The following HELZ variants were observed in gnomAD, a reference collection of about 807,000 sequenced individuals.
HELZ encodes ATP-dependent RNA helicase with zinc finger domain.
Under a neutral mutation model 218.2 loss-of-function variants are expected in HELZ, and 23 were observed. The ratio of observed to expected loss-of-function variants is 0.11; its 90% confidence interval spans 0.08 to 0.15. The LOEUF is 0.15. Ranked by LOEUF, HELZ falls within the 10% of genes least tolerant of loss-of-function variation. HELZ has a pLI of 1.00. For missense variants in HELZ, 1,813 were observed against 2,353.7 expected (o/e 0.77, Z 4.75); for synonymous variants, 814 against 829.4 (o/e 0.98, Z 0.32).
chr17:67,226,211 A>T, intron 3 of HELZ, among the ~76,000 whole-genome samples: 1 of 150,740 alleles, frequency 6.6e-6, no homozygotes, highest in East Asian at 1.9e-4. Flanking sequence ...GTGAGCCGAG[A>T]TCGCACCACT....
At chr17:67,121,283 T>C (rs1369237947) in intron 26 of HELZ, among the ~76,000 whole-genome samples, 2 of 152,238 alleles carry the variant, frequency 1.3e-5, no homozygotes, top group African/African-American at 2.4e-5. Flanking sequence ...TATTTTATTA[T>C]AACTGTTAAA....
intron 5 of HELZ, among the ~76,000 whole-genome samples, chr17:67,214,218 A>T (rs2040530939): frequency 6.6e-6 from 1 of 151,936 alleles, no homozygotes; most frequent in Non-Finnish European, 1.5e-5. Context: ...TGAGGTGAAC[A>T]AAGGTCACAG....
At chr17:67,234,875 G>A (rs8078002) in intron 3 of HELZ, among the ~76,000 whole-genome samples, 14,041 of 151,756 alleles carry the variant, frequency 0.093, 1,727 homozygotes, top group African/African-American at 0.28. Flanking sequence ...TTTGCTTCTC[G>A]GCTTCCTGGT....
intron 1 of HELZ, chr17:67,244,090 C>A: frequency 3.3e-6 from 2 of 599,798 alleles, no homozygotes; most frequent in Non-Finnish European, 4.2e-6. Context: ...TTTTTCAACA[C>A]AGACTGACCT....
chr17:67,228,867 C>T (rs1026281895), intron 3 of HELZ, among the ~76,000 whole-genome samples: 1 of 152,068 alleles, frequency 6.6e-6, no homozygotes, highest in Non-Finnish European at 1.5e-5. Context: ...TACAGGCATA[C>T]GCCACCACAC....
chr17:67,112,406 T>C (rs7218840), intron 28 of HELZ, among the ~76,000 whole-genome samples: 90,417 of 152,088 alleles, frequency 0.59, 28,084 homozygotes, highest in East Asian at 0.88. Flanking sequence ...CCTCTGACTA[T>C]ATGTGCTGCT....
At chr17:67,173,042 G>A in intron 13 of HELZ, 1 of 982,602 alleles carries the variant, frequency 1.0e-6, no homozygotes, top group Non-Finnish European at 1.2e-6. Flanking sequence ...GACATTGGTT[G>A]TGTCTTGCAA....
Position 67,108,788 on chromosome 17 carries a change from T to G in HELZ, c.4490-62A>C. 8.0e-7 allele frequency: 1 copy of G among 1,246,418 alleles called. No individual in the cohort carries two copies. Among genetic ancestry groups the G allele is most frequent in the Non-Finnish European group, 1.1e-6 (1 of 896,240 alleles). 77.2% of individuals were successfully genotyped at this position (1,246,418 alleles called of 1,614,324 possible). ...GGGGTTTCAAGTTCATTATTTAAAG[T>G]TTTTTACTAACATATTTTCTCCACA... On this transcript the variant is annotated intron_variant, in intron 29 of 32. Coordinates refer to ENST00000358691, the MANE Select transcript of HELZ (RefSeq NM_014877.4). The surrounding 1 kb of genome is among the most constrained non-coding windows in gnomAD (Gnocchi z 4.1).
chr17:67,090,760 C>T (rs2036552110), intron 31 of HELZ, among the ~76,000 whole-genome samples: 2 of 152,156 alleles, frequency 1.3e-5, no homozygotes, highest in South Asian at 2.1e-4. Context: ...AGTTTGTATC[C>T]TCTTTTTGTC....
At chr17:67,080,647 G>A (rs2036160471) in intron 32 of HELZ, among the ~76,000 whole-genome samples, 1 of 152,166 alleles carries the variant, frequency 6.6e-6, no homozygotes, top group South Asian at 2.1e-4. Flanking sequence ...TATACAGTTG[G>A]TTAGAGCAGC....
chr17:67,196,597 G>A (rs889926353), intron 7 of HELZ, among the ~76,000 whole-genome samples: 1 of 146,320 alleles, frequency 6.8e-6, no homozygotes. Flanking sequence ...TGGATGGATG[G>A]ATGGATGGGT....
chr17:67,114,448 A>C (rs758827241), intron 27 of HELZ, 45 bp from the exon 28 acceptor site: 1 of 1,111,944 alleles, frequency 9.0e-7, no homozygotes, highest in African/African-American at 1.5e-5. Flanking sequence ...TCCAGTGGAT[A>C]TGACACTTCC....
At chr17:67,228,975 C>T (rs556787624) in intron 3 of HELZ, among the ~76,000 whole-genome samples, 1 of 152,224 alleles carries the variant, frequency 6.6e-6, no homozygotes, top group East Asian at 1.9e-4. Flanking sequence ...GCCTCGGCCA[C>T]CCAAAGTGCT....
In HELZ at chr17:67,151,115, G is replaced by A. The variant is rs765605223; in HGVS notation, c.2287C>T (p.Leu763Phe). 6.2e-7 allele frequency: 1 copy of A among 1,613,954 alleles called. No individual in the cohort carries two copies. The highest frequency in any genetic ancestry group is 1.3e-5 in the African/African-American group (1 of 75,032). The stretch of plus-strand genomic sequence containing the variant: ...GTAACAACCACCACTCGATGTTTAA[G>A]AATATCTTCTTTCTGGGGCATCTGA... ...TFQMPQKEDI[L>F]KHRVVVVTLN... Residue 763 changes from leucine to phenylalanine, a missense_variant, in exon 18 of 33, where the codon CTT becomes TTT. Leu to Phe is a conservative substitution (Grantham distance 22). Transcript: ENST00000358691.
At chr17:67,185,879 T>C (rs1227589100) in intron 12 of HELZ, among the ~76,000 whole-genome samples, 1 of 152,188 alleles carries the variant, frequency 6.6e-6, no homozygotes, top group African/African-American at 2.4e-5. Context: ...GAGGAGGATA[T>C]CCTTGTCTAT....
rs780497369 is a variant in HELZ at position 67,190,207 on chromosome 17, T to C, written c.706A>G (p.Met236Val). The change falls in exon 10 of 33, where the codon ATG becomes GTG. Residue 236 changes from methionine (M) to valine (V), a missense_variant. Transcript: ENST00000358691. Reference protein sequence around the residue: ...NENKQLSGSYMETLIEKWMNS... With the variant: ...NENKQLSGSYVETLIEKWMNS... ...ATCCACTTTTCTATCAAGGTTTCCA[T>C]GTAACTGCCTGAGAGCTGTTTATTC... 1.2e-5 allele frequency: 20 copies of C among 1,614,122 alleles called. No homozygotes were observed. The highest frequency in any genetic ancestry group is 1.6e-5 in the Non-Finnish European group (19 of 1,179,976).
chr17:67,210,290 G>A (rs1238165358), intron 5 of HELZ, among the ~76,000 whole-genome samples: 1 of 152,188 alleles, frequency 6.6e-6, no homozygotes, highest in African/African-American at 2.4e-5. Flanking sequence ...CCCCCAGAGA[G>A]AGTACAGAAG....
chr17:67,118,690 G>C (rs541762957), intron 27 of HELZ, among the ~76,000 whole-genome samples: 3 of 28,272 alleles, frequency 1.1e-4, no homozygotes, highest in Non-Finnish European at 2.0e-4. Context: ...GTCTTTAAAA[G>C]GCAAAAAAAA....
chr17:67,163,414 T>C (rs1598349372), intron 15 of HELZ, among the ~76,000 whole-genome samples: 1 of 105,980 alleles, frequency 9.4e-6, no homozygotes, highest in Non-Finnish European at 2.1e-5. Context: ...CTTTTTCTTT[T>C]TTGAGACAGA....
Sources: allele counts gnomAD v4.1 joint callset (sites outside exome capture counted in the v4.1 genomes callset), GRCh38; gene constraint gnomAD v4.1.1; non-coding constraint Gnocchi (gnomAD v3.1); transcripts MANE v1.5; gene names NCBI Gene and HGNC (gene_info 2026-07-23, HGNC 2026-07-21).